The following LUZP2 variants were observed in gnomAD, a reference collection of about 807,000 sequenced individuals.
LUZP2 encodes the protein leucine zipper protein 2.
A neutral mutation model predicts 51.6 loss-of-function variants in LUZP2; 52 were observed. The observed-to-expected ratio is 1.01, with a 90% CI of 0.81 to 1.27. LUZP2 has a LOEUF of 1.27. Among genes scored for constraint, LUZP2 ranks in the 50% most tolerant of loss-of-function variants. The pLI is 0.00. For missense variants in LUZP2, 436 were observed against 395.4 expected, an observed-to-expected ratio of 1.10 and a Z score of -0.87; for synonymous variants, 154 against 137.3, an observed-to-expected ratio of 1.12 and a Z score of -0.85.
At chr11:24,824,661 C>T (rs1202582381) in intron 5 of LUZP2, among the ~76,000 whole-genome samples, 1 of 151,726 alleles carries the variant, frequency 6.6e-6, no homozygotes, top group African/African-American at 2.4e-5. Context: ...ACAAATTCCC[C>T]CAATAAAGCC....
At chr11:24,544,479 C>T (rs1443678402) in intron 1 of LUZP2, among the ~76,000 whole-genome samples, 1 of 151,988 alleles carries the variant, frequency 6.6e-6, no homozygotes, top group African/African-American at 2.4e-5. Context: ...TCTGTTGTAC[C>T]CTACTATGTG....
intron 1 of LUZP2, among the ~76,000 whole-genome samples, chr11:24,682,563 C>T (rs1590342309): frequency 7.1e-6 from 1 of 141,592 alleles, no homozygotes; most frequent in Admixed American, 7.0e-5. Context: ...ACACACTGAA[C>T]CCTACTGAAT....
chr11:24,763,365 G>T (rs1239881762), intron 5 of LUZP2, 57 bp downstream of exon 5: 2 of 817,558 alleles, frequency 2.4e-6, no homozygotes, highest in Non-Finnish European at 3.6e-6. Context: ...ATACATAAAT[G>T]CACATATAAA....
chr11:24,562,863 C>CAA lies in LUZP2; in HGVS notation c.62+65573_62+65574dup, dbSNP rs35383666. On this transcript the variant is annotated intron_variant, in intron 1 of 11. Coordinates refer to ENST00000336930, the MANE Select transcript of LUZP2 (RefSeq NM_001009909.4). ...GGTGACAGAGTGAGACTCCATCTCT[C>CAA]AAAAAAAAAAAAAAAAGAAAGGTTA... Among the ~76,000 whole-genome samples, 515 of 115,544 alleles carry CAA rather than the reference C, an allele frequency of 4.5e-3. 19 individuals carry two copies. In the East Asian group the frequency reaches 0.089, roughly 20 times the overall value. 75.8% of individuals were successfully genotyped at this position (115,544 alleles called of 152,430 possible).
At chr11:24,678,644 A>G (rs1217040346) in intron 1 of LUZP2, among the ~76,000 whole-genome samples, 1 of 152,252 alleles carries the variant, frequency 6.6e-6, no homozygotes, top group Non-Finnish European at 1.5e-5. Flanking sequence ...TAAGAAAAAT[A>G]TCCCAGGTAT....
At chr11:24,918,856 T>TAA (rs978515534) in intron 7 of LUZP2, among the ~76,000 whole-genome samples, 1 of 112,978 alleles carries the variant, frequency 8.9e-6, no homozygotes, top group African/African-American at 3.4e-5. Context: ...TATATATATA[T>TAA]GTTCTTTATA....
At chr11:24,575,348 C>T (rs1275098910) in intron 1 of LUZP2, among the ~76,000 whole-genome samples, 1 of 152,042 alleles carries the variant, frequency 6.6e-6, no homozygotes, top group East Asian at 1.9e-4. Flanking sequence ...CCTATATTTG[C>T]CTGGTTGCTT....
intron 1 of LUZP2, among the ~76,000 whole-genome samples, chr11:24,694,163 A>ATTTT (rs1484555624): frequency 1.2e-4 from 18 of 152,176 alleles, no homozygotes; most frequent in African/African-American, 3.9e-4. Flanking sequence ...AGCTTCTTAA[A>ATTTT]CCTTCTGACA....
intron 1 of LUZP2, 132 bp downstream of exon 1, chr11:24,497,437 T>C: frequency 3.7e-6 from 2 of 540,212 alleles, no homozygotes; most frequent in East Asian, 3.5e-5. Context: ...AGGGACGCTG[T>C]ATGGTTTGGG....
intron 10 of LUZP2, among the ~76,000 whole-genome samples, chr11:25,063,385 A>T (rs11028395): frequency 2.6e-5 from 4 of 151,290 alleles, no homozygotes; most frequent in African/African-American, 4.9e-5. Context: ...AAATATTTAA[A>T]GCCATTTATC....
chr11:24,719,182 A>G (rs1443282871), intron 1 of LUZP2, among the ~76,000 whole-genome samples: 1 of 152,202 alleles, frequency 6.6e-6, no homozygotes, highest in Non-Finnish European at 1.5e-5. Context: ...ATGGATTAGA[A>G]AAGCAAAAAA....
intron 1 of LUZP2, among the ~76,000 whole-genome samples, chr11:24,603,085 C>T (rs531646067): frequency 2.6e-5 from 4 of 151,764 alleles, no homozygotes; most frequent in Admixed American, 1.3e-4. Flanking sequence ...ACGGCTATGG[C>T]ACATTCAGGT....
At chr11:25,077,508 T>G (rs1413113127) in intron 11 of LUZP2, 102 bp downstream of exon 11, 1 of 448,102 alleles carries the variant, frequency 2.2e-6, no homozygotes, top group Non-Finnish European at 3.2e-6. Flanking sequence ...TTTTATTTAT[T>G]TATTTTTTTG....
At chr11:25,015,652 C>T (rs565892494) in intron 9 of LUZP2, among the ~76,000 whole-genome samples, 20 of 152,096 alleles carry the variant, frequency 1.3e-4, no homozygotes, top group African/African-American at 2.7e-4. Flanking sequence ...GTAAATAACA[C>T]GACAGAGGTG....
chr11:24,518,344 TA>T (rs1850542542), intron 1 of LUZP2, among the ~76,000 whole-genome samples: 2 of 152,172 alleles, frequency 1.3e-5, no homozygotes, highest in South Asian at 4.1e-4. Flanking sequence ...CCATGTTTGT[TA>T]AAGATCTTTG....
intron 10 of LUZP2, among the ~76,000 whole-genome samples, chr11:25,063,751 G>A (rs1342703332): frequency 6.6e-6 from 1 of 151,638 alleles, no homozygotes; most frequent in Non-Finnish European, 1.5e-5. Flanking sequence ...TCAGAGAGTG[G>A]TCCACAATGA....
chr11:24,650,368 T>A (rs1216138178), intron 1 of LUZP2, among the ~76,000 whole-genome samples: 3 of 151,618 alleles, frequency 2.0e-5, no homozygotes, highest in Non-Finnish European at 4.4e-5. Flanking sequence ...TTCTTATAAT[T>A]TTGGGTGTCT....
At chr11:25,078,426 G>A (rs1269214207) in intron 11 of LUZP2, 128 bp from the exon 12 acceptor site, 1 of 665,848 alleles carries the variant, frequency 1.5e-6, no homozygotes, top group East Asian at 2.9e-5. Context: ...TCTGTCCTGT[G>A]TTCATTTTCT....
chr11:24,960,538 G>A (rs532946414), intron 7 of LUZP2, among the ~76,000 whole-genome samples: 2 of 152,090 alleles, frequency 1.3e-5, no homozygotes, highest in Non-Finnish European at 2.9e-5. Flanking sequence ...TTGCGTAGAG[G>A]TGTTTGTAGT....
Sources: gnomAD v4.1 joint callset for allele counts (sites outside exome capture counted in the v4.1 genomes callset) on GRCh38, gnomAD v4.1.1 for gene constraint, MANE v1.5 for transcripts, NCBI Gene and HGNC (gene_info 2026-07-23, HGNC 2026-07-21) for gene names.